The following CDH13 variants were observed in gnomAD, a reference collection of about 807,000 sequenced individuals.
CDH13 encodes the protein cadherin-13.
CDH13 carries 24 observed loss-of-function variants against 63.8 expected under a neutral mutation model. The ratio of observed to expected loss-of-function variants is 0.38; its 90% CI spans 0.27 to 0.53. The LOEUF (loss-of-function observed/expected upper bound fraction) is 0.53. Among genes scored for constraint, CDH13 ranks in the 20% least tolerant of loss-of-function variants. CDH13 has a pLI of 0.85. For missense variants in CDH13, 1,049 were observed against 903.1 expected (o/e 1.16, Z -2.07); for synonymous variants, 503 against 355.3 (o/e 1.42, Z -4.67).
intron 2 of CDH13, among the ~76,000 whole-genome samples, chr16:83,026,259 T>C (rs1003778516): frequency 2.6e-5 from 4 of 152,180 alleles, no homozygotes; most frequent in African/African-American, 7.2e-5. Context: ...CACTTGCCCA[T>C]CTATTCCTAG....
At chr16:82,679,417 G>T (rs1055120642) in intron 1 of CDH13, among the ~76,000 whole-genome samples, 1 of 152,156 alleles carries the variant, frequency 6.6e-6, no homozygotes, top group African/African-American at 2.4e-5. Flanking sequence ...GACTTTCAAA[G>T]GTTTGCAAAG....
intron 6 of CDH13, among the ~76,000 whole-genome samples, chr16:83,473,227 G>A (rs994432178): frequency 3.3e-5 from 5 of 152,060 alleles, no homozygotes; most frequent in Admixed American, 6.6e-5. Context: ...TTCATTGCTC[G>A]CATCAATCAC....
At chr16:82,933,947 C>T (rs2042583998) in intron 2 of CDH13, among the ~76,000 whole-genome samples, 1 of 152,230 alleles carries the variant, frequency 6.6e-6, no homozygotes, top group Admixed American at 6.5e-5. Flanking sequence ...CTCCTGGCTG[C>T]TTTCATGGGC....
chr16:83,635,965 C>T (rs181085682), intron 8 of CDH13, among the ~76,000 whole-genome samples: 234 of 152,210 alleles, frequency 1.5e-3, no homozygotes, highest in African/African-American at 4.0e-3. Flanking sequence ...ATGATCCTTT[C>T]GGAACTGATT....
intron 1 of CDH13, among the ~76,000 whole-genome samples, chr16:82,813,492 G>A (rs369498614): frequency 6.6e-6 from 1 of 152,174 alleles, no homozygotes; most frequent in South Asian, 2.1e-4. Flanking sequence ...TTAGCTGGCT[G>A]TCTCCTTTTA....
intron 11 of CDH13, among the ~76,000 whole-genome samples, chr16:83,768,446 G>A (rs1433964045): frequency 1.3e-5 from 2 of 152,168 alleles, no homozygotes; most frequent in African/African-American, 4.8e-5. Context: ...CCAGGTTGCA[G>A]CAGAGAAACA....
chr16:83,604,469 G>A (rs549584142), intron 8 of CDH13, among the ~76,000 whole-genome samples: 112 of 152,314 alleles, frequency 7.4e-4, no homozygotes, highest in African/African-American at 2.2e-3. Context: ...TCAAGTAGAT[G>A]TGGGAAACAC....
At chr16:82,686,286 C>T (rs1031109135) in intron 1 of CDH13, among the ~76,000 whole-genome samples, 1 of 152,200 alleles carries the variant, frequency 6.6e-6, no homozygotes, top group African/African-American at 2.4e-5. Flanking sequence ...GTCACCTTAG[C>T]AGTGGTAGAT....
intron 5 of CDH13, among the ~76,000 whole-genome samples, chr16:83,242,853 T>C (rs1158198942): frequency 6.6e-6 from 1 of 152,216 alleles, no homozygotes; most frequent in Non-Finnish European, 1.5e-5. Context: ...TCACTTCCCC[T>C]GACTCAGCTG....
chr16:83,216,397 A>AATATATATATATGTGT (rs1473011322), intron 4 of CDH13, among the ~76,000 whole-genome samples: 1 of 16,092 alleles, frequency 6.2e-5, no homozygotes, highest in African/African-American at 1.3e-4. Flanking sequence ...CCAGCATTGA[A>AATATATATATATGTGT]ATATATATAT....
intron 3 of CDH13, among the ~76,000 whole-genome samples, chr16:83,105,141 A>G (rs1219122812): frequency 6.6e-6 from 1 of 152,152 alleles, no homozygotes; most frequent in Non-Finnish European, 1.5e-5. Flanking sequence ...TGCATTAGCT[A>G]TTTTAAGAGG....
intron 1 of CDH13, among the ~76,000 whole-genome samples, chr16:82,813,492 G>C (rs369498614): frequency 1.2e-4 from 19 of 152,292 alleles, no homozygotes; most frequent in Non-Finnish European, 1.9e-4. Flanking sequence ...TTAGCTGGCT[G>C]TCTCCTTTTA....
intron 6 of CDH13, among the ~76,000 whole-genome samples, chr16:83,444,560 A>G (rs996267107): frequency 2.0e-5 from 3 of 152,176 alleles, no homozygotes; most frequent in African/African-American, 7.2e-5. Flanking sequence ...CAACCCAGTC[A>G]CTGAGCACCA....
At chr16:83,725,034 T>G (rs1324892703) in intron 10 of CDH13, among the ~76,000 whole-genome samples, 1 of 152,174 alleles carries the variant, frequency 6.6e-6, no homozygotes, top group Non-Finnish European at 1.5e-5. Flanking sequence ...CCAGTTTCAC[T>G]CAGTCTAGAG....
chr16:83,034,185 A>G (rs1597188547), intron 3 of CDH13, among the ~76,000 whole-genome samples: 2 of 152,098 alleles, frequency 1.3e-5, no homozygotes, highest in African/African-American at 4.8e-5. Flanking sequence ...CTCGTGGCAG[A>G]TATTGCTAAT....
At position 83,181,991 on chromosome 16, in the gene CDH13, C is replaced by T. The variant is rs562943670; in HGVS notation, c.484-35354C>T. ...TAGCTGCACACAGAAGCTGGATTCC[C>T]CTCCAAGCGTGCTCTACCTGTGGCA... On this transcript the variant is annotated intron_variant, in intron 4 of 13. Transcript: ENST00000567109. Among the ~76,000 whole-genome samples, 15 of 152,266 alleles carry T rather than the reference C, an allele frequency of 9.9e-5. No individual in the cohort carries two copies. In the South Asian group the frequency reaches 2.7e-3, roughly 27 times the overall value.
chr16:83,046,993 A>C (rs926769700), intron 3 of CDH13, among the ~76,000 whole-genome samples: 2 of 152,182 alleles, frequency 1.3e-5, no homozygotes, highest in East Asian at 3.9e-4. Flanking sequence ...TGGTTTCCTC[A>C]ACTGTCTATC....
intron 2 of CDH13, among the ~76,000 whole-genome samples, chr16:83,005,863 A>G (rs1024841232): frequency 6.6e-5 from 10 of 152,272 alleles, no homozygotes; most frequent in Non-Finnish European, 1.3e-4. Flanking sequence ...GTAAGCTTGT[A>G]CAGTCATCTT....
chr16:82,870,953 T>G (rs2151188143), intron 2 of CDH13, among the ~76,000 whole-genome samples: 1 of 152,328 alleles, frequency 6.6e-6, no homozygotes, highest in Non-Finnish European at 1.5e-5. Flanking sequence ...GGCTTCCTAG[T>G]TAACTCTGCC....
Sources: allele counts gnomAD v4.1 joint callset (sites outside exome capture counted in the v4.1 genomes callset), GRCh38; gene constraint gnomAD v4.1.1; transcripts MANE v1.5; gene names NCBI Gene and HGNC (gene_info 2026-07-23, HGNC 2026-07-21).